The following CNTN5 variants were observed in gnomAD, a reference collection of about 807,000 sequenced individuals.
CNTN5 encodes the protein contactin 5.
In CNTN5, 77 loss-of-function variants were observed where a neutral mutation model predicts 129.1. The observed-to-expected ratio is 0.60, with a 90% CI of 0.50 to 0.72. The LOEUF (loss-of-function observed/expected upper bound fraction) is 0.72. Ranked by LOEUF, CNTN5 falls within the 30% of genes least tolerant of loss-of-function variation. The pLI, the probability that CNTN5 is intolerant of heterozygous loss-of-function variation, is 0.00. For synonymous variants in CNTN5, 509 were observed against 465.6 expected (o/e 1.09, Z -1.20); for missense variants, 1,478 against 1,328.8 (o/e 1.11, Z -1.75).
intron 2 of CNTN5, among the ~76,000 whole-genome samples, chr11:99,550,181 A>T (rs773565536): frequency 7.2e-5 from 11 of 152,158 alleles, no homozygotes; most frequent in Non-Finnish European, 1.5e-4. Flanking sequence ...ATCTCTTAGC[A>T]CTTTGTCCAG....
At chr11:99,427,719 T>A (rs1050434528) in intron 2 of CNTN5, among the ~76,000 whole-genome samples, 5 of 124,796 alleles carry the variant, frequency 4.0e-5, no homozygotes, top group African/African-American at 1.6e-4. Context: ...TGAGATGAGA[T>A]CCTGTCACTG....
chr11:99,332,579 T>C (rs1171346691), intron 2 of CNTN5, among the ~76,000 whole-genome samples: 2 of 152,088 alleles, frequency 1.3e-5, no homozygotes, highest in Non-Finnish European at 2.9e-5. Context: ...AAATTATTTC[T>C]CCAGATTGAA....
At chr11:99,845,364 ATC>A in intron 6 of CNTN5, 102 bp downstream of exon 6, 4 of 239,224 alleles carry the variant, frequency 1.7e-5, no homozygotes, top group Non-Finnish European at 1.4e-5. Context: ...AAGATCTCAA[ATC>A]TTTTTTTTTT....
intron 3 of CNTN5, among the ~76,000 whole-genome samples, chr11:99,790,186 A>AT (rs1357068172): frequency 6.6e-6 from 1 of 151,914 alleles, no homozygotes; most frequent in Non-Finnish European, 1.5e-5. Flanking sequence ...CTTTTTTAAA[A>AT]TTTTTATTTT....
At position 100,036,884 on chromosome 11, in the gene CNTN5, T is replaced by A. The variant is rs569630641; in HGVS notation, c.981-24328T>A. Among the ~76,000 whole-genome samples, 27 of 146,310 alleles carry A rather than the reference T, an allele frequency of 1.8e-4. No individual in the cohort carries two copies. In the East Asian group the frequency reaches 5.4e-3, roughly 29 times the overall value. ...AGGTTTTGGGCTGAGATGATGGGGT[T>A]TTCTGGATGTGCATTCATGTCGTCT... On this transcript the variant is annotated intron_variant, in intron 9 of 24. Transcript: ENST00000524871.
chr11:99,458,843 T>G (rs1944586673), intron 2 of CNTN5, among the ~76,000 whole-genome samples: 1 of 151,992 alleles, frequency 6.6e-6, no homozygotes, highest in Non-Finnish European at 1.5e-5. Context: ...ACAGCAGTGA[T>G]TGCCTTGGAG....
chr11:100,299,427 T>C (rs201221288), intron 20 of CNTN5, 31 bp downstream of exon 20: 25 of 1,366,416 alleles, frequency 1.8e-5, no homozygotes, highest in Non-Finnish European at 2.5e-5. Flanking sequence ...TATTTTTATT[T>C]AACATTTTAC....
At chr11:99,660,013 A>G (rs1952537145) in intron 3 of CNTN5, among the ~76,000 whole-genome samples, 2 of 152,136 alleles carry the variant, frequency 1.3e-5, no homozygotes, top group Admixed American at 1.3e-4. Flanking sequence ...TTTTCAACAA[A>G]TTTTACTGGA....
chr11:100,020,061 A>G (rs1162504930), intron 9 of CNTN5, among the ~76,000 whole-genome samples: 1 of 151,920 alleles, frequency 6.6e-6, no homozygotes, highest in South Asian at 2.1e-4. Flanking sequence ...ATGATTTGCA[A>G]ATATTTTCTC....
intron 18 of CNTN5, among the ~76,000 whole-genome samples, chr11:100,287,085 T>C (rs534479410): frequency 1.3e-5 from 2 of 152,258 alleles, no homozygotes; most frequent in Admixed American, 1.3e-4. Context: ...GAGCAAAGCC[T>C]CCAAGAAAAT....
chr11:100,350,951 T>C, intron 24 of CNTN5, 81 bp downstream of exon 24: 1 of 1,078,074 alleles, frequency 9.3e-7, no homozygotes, highest in Non-Finnish European at 1.3e-6. Flanking sequence ...ATTGATGTGA[T>C]AGATTTCATG....
intron 8 of CNTN5, among the ~76,000 whole-genome samples, chr11:99,967,262 T>A (rs575098584): frequency 6.6e-6 from 1 of 152,236 alleles, no homozygotes; most frequent in Admixed American, 6.5e-5. Context: ...GTGGTGAAGG[T>A]TTGGAAGATT....
chr11:99,898,790 T>C (rs1206810511), intron 6 of CNTN5, among the ~76,000 whole-genome samples: 4 of 152,032 alleles, frequency 2.6e-5, no homozygotes, highest in East Asian at 1.9e-4. Context: ...TTAGCAGATA[T>C]AGAAACATAA....
chr11:100,045,601 G>A (rs1942623634), intron 9 of CNTN5, among the ~76,000 whole-genome samples: 1 of 151,690 alleles, frequency 6.6e-6, no homozygotes, highest in Non-Finnish European at 1.5e-5. Flanking sequence ...TAAACAACTG[G>A]CAAAAATATA....
intron 1 of CNTN5, among the ~76,000 whole-genome samples, chr11:99,244,379 A>G (rs1861716337): frequency 6.6e-6 from 1 of 151,972 alleles, no homozygotes. Context: ...TGGGTAAACT[A>G]TTTTCCTTTA....
chr11:100,271,940 A>T (rs1048596257), intron 18 of CNTN5, among the ~76,000 whole-genome samples: 1 of 152,200 alleles, frequency 6.6e-6, no homozygotes, highest in Non-Finnish European at 1.5e-5. Flanking sequence ...GTAGATTTTT[A>T]TGACTTTGGA....
intron 23 of CNTN5, among the ~76,000 whole-genome samples, chr11:100,343,240 C>A (rs189705028): frequency 5.9e-5 from 9 of 152,278 alleles, no homozygotes; most frequent in African/African-American, 1.9e-4. Flanking sequence ...AAATTAATGA[C>A]AAGTAGGCAC....
chr11:99,873,987 C>G (rs552603927), intron 6 of CNTN5, among the ~76,000 whole-genome samples: 2 of 152,004 alleles, frequency 1.3e-5, no homozygotes, highest in African/African-American at 4.8e-5. Flanking sequence ...TGCACATTCT[C>G]ACTTATAAGT....
intron 2 of CNTN5, among the ~76,000 whole-genome samples, chr11:99,505,153 T>G (rs1190545729): frequency 1.3e-5 from 2 of 152,206 alleles, no homozygotes; most frequent in Non-Finnish European, 2.9e-5. Context: ...AGTTATACAG[T>G]AAACTTGCTG....
Sources: gnomAD v4.1 joint callset for allele counts (sites outside exome capture counted in the v4.1 genomes callset) on GRCh38, gnomAD v4.1.1 for gene constraint, MANE v1.5 for transcripts, NCBI Gene and HGNC (gene_info 2026-07-23, HGNC 2026-07-21) for gene names.